Variants in ESPN observed in about 807,000 individuals in gnomAD.
The protein encoded by ESPN is espin.
Under a neutral mutation model 77.7 loss-of-function variants are expected in ESPN, and 68 were observed. The observed-to-expected ratio is 0.87, with a 90% CI of 0.72 to 1.07. The LOEUF (loss-of-function observed/expected upper bound fraction) is 1.07. Ranked by LOEUF, ESPN falls within the 50% of genes least tolerant of loss-of-function variation. The probability of loss-of-function intolerance (pLI) is 0.00; values close to 1 mark genes in which losing one functional copy is unlikely to be tolerated. For missense variants in ESPN, 1,060 were observed against 1,239.0 expected (o/e 0.86, Z 2.17); for synonymous variants, 449 against 567.1 (o/e 0.79, Z 2.96).
At position 6,448,586 on chromosome 1, in the gene ESPN, G is replaced by T. The variant is rs192177622; in HGVS notation, c.1465-55G>T. 1,115 of 1,475,028 alleles carry T rather than the reference G, an allele frequency of 7.6e-4. 10 individuals carry two copies. In the African/African-American group the frequency reaches 0.014, roughly 19 times the overall value. 91.4% of individuals were successfully genotyped at this position (1,475,028 alleles called of 1,614,324 possible). A position where few individuals can be genotyped will look rare whatever the true frequency, so the allele number is the denominator to read the frequency against. ...GGTGAAGAGCTGGGTGGGGAGGCGTGGGGGGCGCCTACCGGGCAGGTGCCC... is the reference window on the plus strand; with the variant it reads ...GGTGAAGAGCTGGGTGGGGAGGCGTTGGGGGCGCCTACCGGGCAGGTGCCC... On this transcript the variant is annotated intron_variant, in intron 7 of 12. Transcript: ENST00000645284.
At position 6,460,400 on chromosome 1, in the gene ESPN, T is replaced by G. The variant is rs1408298582; in HGVS notation, c.*254T>G. 1.1e-5 allele frequency: 6 copies of G among 531,872 alleles called. No homozygotes were observed. The highest frequency in any genetic ancestry group is 2.0e-5 in the Non-Finnish European group (6 of 296,568). 32.9% of individuals were successfully genotyped at this position (531,872 alleles called of 1,614,324 possible). A position where few individuals can be genotyped will look rare whatever the true frequency, so the allele number is the denominator to read the frequency against. On this transcript the variant is annotated 3_prime_UTR_variant, in exon 13 of 13. Coordinates refer to ENST00000645284, the MANE Select transcript of ESPN (RefSeq NM_031475.3). ...CAACAACAAATGCTGCTTATTTGCA[T>G]GCCGACTTACATATATTTGCATGTT... is the stretch of plus-strand genomic sequence containing the variant.
At chr1:6,434,464 G>T (rs1320101834) in intron 2 of ESPN, among the ~76,000 whole-genome samples, 1 of 152,096 alleles carries the variant, frequency 6.6e-6, no homozygotes, top group African/African-American at 2.4e-5. Context: ...TGAATGAGTG[G>T]GGTATGGAAT....
rs768470824 is a variant in ESPN, at chr1:6,451,870, C to T, written c.2099C>T (p.Ser700Leu). 2 of 1,611,782 alleles carry T rather than the reference C, an allele frequency of 1.2e-6. No homozygotes were observed. The highest frequency in any genetic ancestry group is 1.7e-5 in the Admixed American group (1 of 59,864). The change falls in exon 10 of 13, where the codon TCA (serine) becomes TTA (leucine). Residue 700 changes from serine (S) to leucine (L), a missense_variant. Physicochemically the swap from Ser to Leu is moderately radical, Grantham distance 145. Transcript: ENST00000645284. The surrounding 1 kb of genome is among the most constrained non-coding windows in gnomAD (Gnocchi z 4.3). The part of the protein sequence containing the change: ...SPLPSVSPAL[S>L]PVRSPTPPAA... ...CTGCCTTCTGTGTCACCTGCACTGT[C>T]ACCAGTCCGGAGCCCCACACCGCCA...
At position 6,450,339 on chromosome 1, in the gene ESPN, C is replaced by G. The variant is rs1399951106; in HGVS notation, c.1915+1248C>G. On this transcript the variant is annotated intron_variant, in intron 8 of 12. Transcript: ENST00000645284. The surrounding 1 kb of genome is among the most constrained non-coding windows in gnomAD (Gnocchi z 4.3). ...CTCCTCCTCTCTTCTCCACTTCCCCCCCGCCCGCTCTCCCTGGCCCGCTCC... is the reference window on the plus strand; with the variant it reads ...CTCCTCCTCTCTTCTCCACTTCCCCGCCGCCCGCTCTCCCTGGCCCGCTCC... The G allele has an allele frequency of 7.5e-6, 2 of 265,766 alleles. No individual in the cohort carries two copies. The highest frequency in any genetic ancestry group is 1.2e-5 in the Non-Finnish European group (2 of 172,048). The allele number at this position is 265,766 out of a possible 1,614,324, so 16.5% of individuals were successfully genotyped here.
intron 2 of ESPN, among the ~76,000 whole-genome samples, chr1:6,429,094 GGGGA>G (rs373980812): frequency 0.049 from 7,299 of 149,736 alleles, 283 homozygotes; most frequent in East Asian, 0.11. Flanking sequence ...TGTGAGTCTT[GGGGA>G]GGGAGGGAGG....
At position 6,448,936 on chromosome 1, in the gene ESPN, C is replaced by T. The variant is rs1052745208; in HGVS notation, c.1760C>T (p.Ala587Val). 1.3e-4 allele frequency: 175 copies of T among 1,397,930 alleles called. 1 individual carries two copies. The African/African-American group carries it at 2.4e-3, about 19-fold the overall frequency. 86.6% of individuals were successfully genotyped at this position (1,397,930 alleles called of 1,614,324 possible). A position where few individuals can be genotyped will look rare whatever the true frequency, so the allele number is the denominator to read the frequency against. Reference protein sequence around the residue: ...PGNHVPNGCAADPKASRELPP... With the variant: ...PGNHVPNGCAVDPKASRELPP... Reference sequence around the variant, plus strand: ...AACCATGTTCCTAACGGCTGCGCCGCGGACCCCAAGGCGTCCAGGGAGCTG... The same window carrying T: ...AACCATGTTCCTAACGGCTGCGCCGTGGACCCCAAGGCGTCCAGGGAGCTG... The change falls in exon 8 of 13, where the codon GCG becomes GTG. Residue 587 changes from alanine to valine, a missense_variant. By Grantham distance (64) the Ala-to-Val change is moderately conservative. This residue lies in a region of ESPN where 374 missense variants were observed against 381.4 expected (regional missense o/e 0.98). Transcript: ENST00000645284.
At chr1:6,435,302 T>C (rs1643395433) in intron 2 of ESPN, among the ~76,000 whole-genome samples, 1 of 152,156 alleles carries the variant, frequency 6.6e-6, no homozygotes, top group African/African-American at 2.4e-5. Flanking sequence ...TGGGGAGGGC[T>C]GCGGGAATCA....
intron 1 of ESPN, among the ~76,000 whole-genome samples, chr1:6,425,892 C>T (rs1274259509): frequency 6.6e-6 from 1 of 152,198 alleles, no homozygotes; most frequent in African/African-American, 2.4e-5. Context: ...AGCCAGGCAG[C>T]GGTGGGACAG....
intron 2 of ESPN, among the ~76,000 whole-genome samples, chr1:6,438,652 GGA>G (rs1399969036): frequency 6.6e-6 from 1 of 152,274 alleles, no homozygotes; most frequent in African/African-American, 2.4e-5. Flanking sequence ...GTGTGACCGA[GGA>G]GAGAGCTGAG....
intron 12 of ESPN, among the ~76,000 whole-genome samples, chr1:6,458,046 G>T (rs770126612): frequency 5.9e-5 from 9 of 151,708 alleles, no homozygotes; most frequent in Non-Finnish European, 1.3e-4. Flanking sequence ...TTTGAGATGG[G>T]GTTTCACTCT....
intron 10 of ESPN, chr1:6,456,301 G>C (rs1250497700): frequency 5.1e-6 from 2 of 389,124 alleles, no homozygotes; most frequent in East Asian, 7.3e-5. Context: ...AAGAGCCCAG[G>C]ACTGTGGCCT....
intron 2 of ESPN, among the ~76,000 whole-genome samples, chr1:6,438,045 G>T (rs1166640458): frequency 6.6e-6 from 1 of 152,088 alleles, no homozygotes; most frequent in Non-Finnish European, 1.5e-5. Flanking sequence ...GCATGTGGTT[G>T]ATCTAGGGGG....
At chr1:6,438,989 G>A (rs1378910732) in intron 2 of ESPN, among the ~76,000 whole-genome samples, 2 of 152,234 alleles carry the variant, frequency 1.3e-5, no homozygotes, top group African/African-American at 4.8e-5. Flanking sequence ...GCACATGCCT[G>A]TAGTCCCAGC....
rs376401370 is a variant in ESPN, at chr1:6,444,672, C to T, written c.1182C>T (p.His394=). The change falls in exon 6 of 13, where the codon CAC becomes CAT. Residue 394 remains histidine, a synonymous_variant. Coordinates refer to ENST00000645284, the MANE Select transcript of ESPN (RefSeq NM_031475.3). ...GCCACTCCAGCATCAAGGGCCAGCA[C>T]CCTCCATGTGGTGAGTGTGCCCAGG... ...SSSHSSIKGQ[H]PPCGLSSARA... The T allele has an allele frequency of 1.9e-6, 3 of 1,614,068 alleles. No individual in the cohort carries two copies. Among genetic ancestry groups the T allele is most frequent in the African/African-American group, 1.3e-5 (1 of 74,936 alleles).
At chr1:6,439,428 G>A (rs897074912) in intron 2 of ESPN, among the ~76,000 whole-genome samples, 2 of 152,200 alleles carry the variant, frequency 1.3e-5, no homozygotes, top group Non-Finnish European at 2.9e-5. Flanking sequence ...TCAGTCTTCT[G>A]GGGGAGGCAA....
chr1:6,449,879 T>A (rs1168632329), intron 8 of ESPN, among the ~76,000 whole-genome samples: 1 of 151,932 alleles, frequency 6.6e-6, no homozygotes, highest in Non-Finnish European at 1.5e-5. Context: ...CTGGCTGGGG[T>A]GTCTTCCTCA....
At chr1:6,430,452 C>T (rs527822132) in intron 2 of ESPN, among the ~76,000 whole-genome samples, 3 of 152,298 alleles carry the variant, frequency 2.0e-5, no homozygotes, top group East Asian at 3.9e-4. Flanking sequence ...TAACAGAAAG[C>T]GCTTGAGATT....
intron 5 of ESPN, 26 bp downstream of exon 5, chr1:6,441,091 G>A (rs777334951): frequency 2.5e-6 from 4 of 1,605,480 alleles, no homozygotes; most frequent in South Asian, 1.1e-5. Flanking sequence ...TGCTCCTGTC[G>A]CATTCTTTCT....
chr1:6,452,443 C>T (rs914821064), intron 10 of ESPN, among the ~76,000 whole-genome samples: 6 of 152,090 alleles, frequency 3.9e-5, no homozygotes, highest in African/African-American at 9.7e-5. Flanking sequence ...CATGAACCAC[C>T]GTGCCCGGCC....
Sources: allele counts gnomAD v4.1 joint callset (sites outside exome capture counted in the v4.1 genomes callset), GRCh38; gene constraint gnomAD v4.1.1; regional missense constraint gnomAD v4.1.1; non-coding constraint Gnocchi (gnomAD v3.1); transcripts MANE v1.5; gene names NCBI Gene and HGNC (gene_info 2026-07-23, HGNC 2026-07-21).